Variants in GALNT17 observed in about 807,000 individuals in gnomAD.
GALNT17 encodes polypeptide N-acetylgalactosaminyltransferase 17.
Under a neutral mutation model 63.7 loss-of-function variants are expected in GALNT17, and 29 were observed. The ratio of observed to expected loss-of-function variants is 0.46; its 90% CI spans 0.34 to 0.62. The LOEUF (loss-of-function observed/expected upper bound fraction) is 0.62, where lower values mean the gene tolerates loss of function less well. Among genes scored for constraint, GALNT17 ranks in the 20% least tolerant of loss-of-function variants. The probability of loss-of-function intolerance (pLI) is 0.01; values close to 1 mark genes in which losing one functional copy is unlikely to be tolerated. For missense variants in GALNT17, 603 were observed against 799.6 expected (o/e 0.75, Z 2.97); for synonymous variants, 305 against 318.3 (o/e 0.96, Z 0.45).
chr7:71,705,792 A>G (rs1373264376), intron 9 of GALNT17, among the ~76,000 whole-genome samples: 1 of 152,206 alleles, frequency 6.6e-6, no homozygotes, highest in African/African-American at 2.4e-5. Flanking sequence ...AGCCTAGGAA[A>G]GTTGAAGCCA....
intron 1 of GALNT17, among the ~76,000 whole-genome samples, chr7:71,190,917 G>A (rs557693339): frequency 2.0e-5 from 3 of 152,242 alleles, no homozygotes; most frequent in South Asian, 2.1e-4. Context: ...ACAGGCATGA[G>A]CCACTGTGCC....
intron 5 of GALNT17, among the ~76,000 whole-genome samples, chr7:71,433,902 C>A (rs1346373576): frequency 6.6e-6 from 1 of 152,120 alleles, no homozygotes; most frequent in Non-Finnish European, 1.5e-5. Context: ...CACCCTCAAT[C>A]TGTTTGGGCA....
intron 1 of GALNT17, among the ~76,000 whole-genome samples, chr7:71,160,931 T>C (rs566017502): frequency 6.6e-6 from 1 of 152,262 alleles, no homozygotes; most frequent in Non-Finnish European, 1.5e-5. Flanking sequence ...AACCTTGAAC[T>C]CAAGCGGCCC....
intron 1 of GALNT17, among the ~76,000 whole-genome samples, chr7:71,184,939 A>ACTTACTTACTTC (rs1228364284): frequency 3.1e-5 from 2 of 64,124 alleles, no homozygotes; most frequent in Non-Finnish European, 5.9e-5. Context: ...TCCCTTCCTC[A>ACTTACTTACTTC]CTTCCTTCCT....
chr7:71,158,205 C>G (rs886903103), intron 1 of GALNT17, among the ~76,000 whole-genome samples: 1 of 151,270 alleles, frequency 6.6e-6, no homozygotes. Context: ...CGAGGGACCT[C>G]CATATGGTTC....
Position 71,421,114 on chromosome 7 carries a change from C to T in GALNT17, c.962+9C>T, listed in dbSNP as rs200703759. 3 of 1,613,866 alleles carry T rather than the reference C, an allele frequency of 1.9e-6. No individual in the cohort carries two copies. The highest frequency in any genetic ancestry group is 2.5e-6 in the Non-Finnish European group (3 of 1,179,928). ...CCTTCTCTCCCCATCAGGTCTGTGG[C>T]TGGTGAGCCCTGGCGGCCAACGAGC... On this transcript the variant is annotated intron_variant, in intron 5 of 10. Transcript: ENST00000333538.
At chr7:71,417,718 C>T (rs989149536) in intron 4 of GALNT17, among the ~76,000 whole-genome samples, 5 of 152,152 alleles carry the variant, frequency 3.3e-5, no homozygotes, top group South Asian at 2.1e-4. Flanking sequence ...GCGAATGTTC[C>T]GTTACAGCCT....
chr7:71,583,429 T>G (rs751628752), intron 6 of GALNT17, among the ~76,000 whole-genome samples: 9 of 152,150 alleles, frequency 5.9e-5, no homozygotes, highest in Non-Finnish European at 1.0e-4. Flanking sequence ...CAGGAAGAGA[T>G]AGTCAGGCCC....
chr7:71,594,097 T>C (rs919930711), intron 6 of GALNT17, among the ~76,000 whole-genome samples: 3 of 151,894 alleles, frequency 2.0e-5, no homozygotes, highest in East Asian at 3.9e-4. Context: ...AAATCAGCCA[T>C]CTCTTTGGGC....
chr7:71,373,390 G>A (rs1036768410), intron 2 of GALNT17, among the ~76,000 whole-genome samples: 4 of 152,140 alleles, frequency 2.6e-5, no homozygotes, highest in Non-Finnish European at 5.9e-5. Context: ...GGGAGGTTGG[G>A]GAGGGGAAGA....
At chr7:71,573,486 T>A (rs1789485940) in intron 6 of GALNT17, among the ~76,000 whole-genome samples, 1 of 151,616 alleles carries the variant, frequency 6.6e-6, no homozygotes, top group South Asian at 2.1e-4. Flanking sequence ...GCCTGCCACC[T>A]TGCCCGGCTA....
chr7:71,391,838 A>G (rs996164773), intron 3 of GALNT17, among the ~76,000 whole-genome samples: 1 of 152,130 alleles, frequency 6.6e-6, no homozygotes, highest in Non-Finnish European at 1.5e-5. Flanking sequence ...GTTCTGCAGA[A>G]TGTACAAGAA....
At chr7:71,246,824 G>A (rs1291620655) in intron 1 of GALNT17, among the ~76,000 whole-genome samples, 5 of 123,924 alleles carry the variant, frequency 4.0e-5, no homozygotes, top group African/African-American at 1.3e-4. Flanking sequence ...GCGAGACTCC[G>A]TCTCAAAAAA....
At chr7:71,228,265 A>G (rs1789719116) in intron 1 of GALNT17, among the ~76,000 whole-genome samples, 1 of 152,154 alleles carries the variant, frequency 6.6e-6, no homozygotes, top group South Asian at 2.1e-4. Flanking sequence ...TCAACCCAGC[A>G]AACGTTAAGT....
intron 2 of GALNT17, among the ~76,000 whole-genome samples, chr7:71,359,132 A>G (rs551927563): frequency 3.9e-5 from 6 of 152,336 alleles, no homozygotes; most frequent in Non-Finnish European, 7.3e-5. Flanking sequence ...TCACAAGTAC[A>G]GTGCCTTTGT....
At chr7:71,205,846 C>G (rs1789261826) in intron 1 of GALNT17, among the ~76,000 whole-genome samples, 1 of 151,942 alleles carries the variant, frequency 6.6e-6, no homozygotes. Context: ...TAATAATTCT[C>G]CTAAGCAGTT....
intron 4 of GALNT17, among the ~76,000 whole-genome samples, chr7:71,416,782 T>C (rs1365710992): frequency 1.3e-5 from 2 of 152,198 alleles, no homozygotes; most frequent in Non-Finnish European, 2.9e-5. Context: ...ATAGTTATAA[T>C]TCTAACTACT....
Position 71,712,460 on chromosome 7 carries a change from C to T in GALNT17, c.*314C>T, listed in dbSNP as rs1791809613. 1 of 189,802 alleles carries T rather than the reference C, an allele frequency of 5.3e-6. No homozygotes were observed. The highest frequency in any genetic ancestry group is 6.1e-5 in the Admixed American group (1 of 16,470). 11.8% of individuals were successfully genotyped at this position (189,802 alleles called of 1,614,324 possible). A position where few individuals can be genotyped will look rare whatever the true frequency, so the allele number is the denominator to read the frequency against. ...GACTGTCCAGTTCTCCTCCACATCT[C>T]CCATCCCAGAATCAGGATCTGGGAC... On this transcript the variant is annotated 3_prime_UTR_variant, in exon 11 of 11. Transcript: ENST00000333538.
At chr7:71,599,661 G>A (rs533256704) in intron 6 of GALNT17, among the ~76,000 whole-genome samples, 1 of 151,956 alleles carries the variant, frequency 6.6e-6, no homozygotes, top group African/African-American at 2.4e-5. Context: ...CCTAGACATT[G>A]ATATCTGGTG....
Sources: allele counts gnomAD v4.1 joint callset (sites outside exome capture counted in the v4.1 genomes callset), GRCh38; gene constraint gnomAD v4.1.1; transcripts MANE v1.5; gene names NCBI Gene and HGNC (gene_info 2026-07-23, HGNC 2026-07-21).